Variants in TBC1D5 observed in about 807,000 individuals in gnomAD.
TBC1D5 encodes TBC1 domain family, member 5.
TBC1D5 carries 75 observed loss-of-function variants against 100.3 expected under a neutral mutation model. The observed-to-expected ratio is 0.75, with a 90% confidence interval of 0.62 to 0.91. The LOEUF (loss-of-function observed/expected upper bound fraction) is 0.91. Among genes scored for constraint, TBC1D5 ranks in the 40% least tolerant of loss-of-function variants. The pLI is 0.00. For missense variants in TBC1D5, 910 were observed against 942.4 expected (o/e 0.97, Z 0.45); for synonymous variants, 323 against 325.6 (o/e 0.99, Z 0.09).
chr3:17,704,896 C>T (rs1215592393), intron 1 of TBC1D5, among the ~76,000 whole-genome samples: 4 of 106,886 alleles, frequency 3.7e-5, no homozygotes, highest in Non-Finnish European at 7.9e-5. Flanking sequence ...ACCTCCCTCC[C>T]GGACGGGGCG....
At chr3:17,694,545 G>T (rs1479422750) in intron 1 of TBC1D5, among the ~76,000 whole-genome samples, 2 of 152,084 alleles carry the variant, frequency 1.3e-5, no homozygotes, top group African/African-American at 4.8e-5. Flanking sequence ...CAGGGTTAGA[G>T]AAAAAAGAGT....
At chr3:17,715,251 T>C (rs1214617693) in intron 1 of TBC1D5, among the ~76,000 whole-genome samples, 1 of 152,182 alleles carries the variant, frequency 6.6e-6, no homozygotes, top group Non-Finnish European at 1.5e-5. Context: ...AGAACTTACC[T>C]GGGTCCAAGA....
At position 17,387,597 on chromosome 3, in the gene TBC1D5, T is replaced by C. The variant is rs547522277; in HGVS notation, c.510-3582A>G. Among the ~76,000 whole-genome samples the C allele has an allele frequency of 2.0e-5, 3 of 152,040 alleles. No homozygotes were observed. The East Asian group carries it at 5.8e-4, about 29-fold the overall frequency. ...TTCTAGGAATAGTAATAATCTGTTT[T>C]TGATGATATGTTGTAAGTTTCAAAA... On this transcript the variant is annotated intron_variant, in intron 8 of 21. Transcript: ENST00000253692.
At chr3:17,202,296 A>G (rs997832718) in intron 18 of TBC1D5, among the ~76,000 whole-genome samples, 1 of 152,226 alleles carries the variant, frequency 6.6e-6, no homozygotes, top group African/African-American at 2.4e-5. Flanking sequence ...TAAGAAGCAA[A>G]GTGTTCAAAT....
chr3:17,615,816 G>C (rs1304844183), intron 2 of TBC1D5, among the ~76,000 whole-genome samples: 1 of 151,988 alleles, frequency 6.6e-6, no homozygotes, highest in Non-Finnish European at 1.5e-5. Flanking sequence ...TATCAATTTT[G>C]TTGATCCTTT....
chr3:17,531,177 T>C (rs981967256), intron 2 of TBC1D5, among the ~76,000 whole-genome samples: 2 of 152,172 alleles, frequency 1.3e-5, no homozygotes, highest in Non-Finnish European at 2.9e-5. Flanking sequence ...ACAAGCATTC[T>C]TATACAGCAA....
At chr3:17,411,731 T>C (rs6787756) in intron 4 of TBC1D5, among the ~76,000 whole-genome samples, 61,373 of 152,038 alleles carry the variant, frequency 0.4, 13,069 homozygotes, top group Middle Eastern at 0.46. Context: ...ATACTACTTA[T>C]GTAATGAAGG....
Position 17,618,508 on chromosome 3 carries a change from G to A in TBC1D5, c.-36+5341C>T, listed in dbSNP as rs186173416. Among the ~76,000 whole-genome samples the A allele has an allele frequency of 3.0e-3, 461 of 152,382 alleles. 4 individuals carry two copies. Among genetic ancestry groups the A allele is most frequent in the African/African-American group, 0.011 (437 of 41,580 alleles). On this transcript the variant is annotated intron_variant, in intron 2 of 21. Coordinates refer to ENST00000253692, the Ensembl canonical transcript of TBC1D5. ...CTTCAGCTATGCCCTCCCCACAGAG[G>A]TGGAGTCTATAGAGGCAATAGAACT...
intron 3 of TBC1D5, among the ~76,000 whole-genome samples, chr3:17,459,351 T>C (rs1449435085): frequency 6.6e-6 from 1 of 152,122 alleles, no homozygotes; most frequent in Non-Finnish European, 1.5e-5. Context: ...ATCCCTCGCA[T>C]GCACAGGGTT....
chr3:17,478,803 T>G (rs573953052), intron 3 of TBC1D5, among the ~76,000 whole-genome samples: 1 of 152,254 alleles, frequency 6.6e-6, no homozygotes, highest in South Asian at 2.1e-4. Context: ...AAGTGATGGC[T>G]ACCCTGCTGG....
At chr3:17,742,220 C>T (rs1170500161), upstream of TBC1D5, among the ~76,000 whole-genome samples, 2 of 152,120 alleles carry the variant, frequency 1.3e-5, no homozygotes, top group Admixed American at 6.5e-5. Flanking sequence ...CCGCCATCCA[C>T]CCCCGACGCC....
intron 4 of TBC1D5, among the ~76,000 whole-genome samples, chr3:17,426,478 A>T (rs1319313998): frequency 6.6e-6 from 1 of 151,896 alleles, no homozygotes; most frequent in Admixed American, 6.6e-5. Context: ...TATTAAAAGT[A>T]CATTTTTACA....
intron 17 of TBC1D5, among the ~76,000 whole-genome samples, chr3:17,215,230 G>A (rs1333101603): frequency 6.6e-6 from 1 of 152,030 alleles, no homozygotes; most frequent in Admixed American, 6.6e-5. Context: ...GAGTCAGGGG[G>A]AACAAAGGCA....
chr3:17,422,775 C>T, intron 4 of TBC1D5, among the ~76,000 whole-genome samples: 1 of 152,090 alleles, frequency 6.6e-6, no homozygotes, highest in East Asian at 1.9e-4. Flanking sequence ...AAATAAGATA[C>T]ATACGAATCT....
chr3:17,331,870 C>T (rs897745181), intron 13 of TBC1D5, among the ~76,000 whole-genome samples: 1 of 152,128 alleles, frequency 6.6e-6, no homozygotes, highest in Non-Finnish European at 1.5e-5. Context: ...TGAGGAACAT[C>T]AAAGACCAGT....
intron 3 of TBC1D5, among the ~76,000 whole-genome samples, chr3:17,466,214 T>C (rs911411109): frequency 6.6e-6 from 1 of 152,220 alleles, no homozygotes; most frequent in African/African-American, 2.4e-5. Flanking sequence ...TAAGTCAGTA[T>C]TTTGGTATGT....
chr3:17,669,124 TAGTG>T (rs2067625221), intron 1 of TBC1D5, among the ~76,000 whole-genome samples: 1 of 152,160 alleles, frequency 6.6e-6, no homozygotes, highest in Admixed American at 6.5e-5. Context: ...GTTCTCATGA[TAGTG>T]AGTGAGTTCT....
intron 17 of TBC1D5, among the ~76,000 whole-genome samples, chr3:17,234,293 C>A (rs1159243474): frequency 6.6e-6 from 1 of 151,952 alleles, no homozygotes. Flanking sequence ...TAAAAATAAA[C>A]CTGTGAACTG....
chr3:17,437,813 C>T (rs2094565849), intron 3 of TBC1D5, among the ~76,000 whole-genome samples: 1 of 152,102 alleles, frequency 6.6e-6, no homozygotes, highest in Admixed American at 6.6e-5. Flanking sequence ...ATACACAGGC[C>T]TTTCCTATTC....
Sources: gnomAD v4.1 joint callset for allele counts (sites outside exome capture counted in the v4.1 genomes callset) on GRCh38, gnomAD v4.1.1 for gene constraint, MANE v1.5 for transcripts, NCBI Gene and HGNC (gene_info 2026-07-23, HGNC 2026-07-21) for gene names.